THADA: variants seen among roughly 807,000 people sequenced by gnomAD.
THADA encodes THADA armadillo repeat containing, also known as tRNA (32-2'-O)-methyltransferase regulator THADA.
A neutral mutation model predicts 219.8 loss-of-function variants in THADA; 213 were observed. That is an observed-to-expected ratio of 0.97 (90% CI 0.87 to 1.09). THADA has a LOEUF of 1.09. Ranked by LOEUF, THADA falls within the 50% of genes least tolerant of loss-of-function variation. The pLI is 0.00. For missense variants in THADA, 2,956 were observed against 2,311.3 expected, an observed-to-expected ratio of 1.28 and a Z score of -5.72; for synonymous variants, 1,018 against 828.9, an observed-to-expected ratio of 1.23 and a Z score of -3.92.
intron 26 of THADA, among the ~76,000 whole-genome samples, chr2:43,484,705 T>G (rs2105010790): frequency 6.6e-6 from 1 of 152,026 alleles, no homozygotes; most frequent in African/African-American, 2.4e-5. Flanking sequence ...AAATTAGAGG[T>G]TAAACATAAA....
intron 22 of THADA, among the ~76,000 whole-genome samples, chr2:43,510,927 C>T (rs1472264905): frequency 2.6e-5 from 4 of 151,232 alleles, no homozygotes; most frequent in East Asian, 3.9e-4. Context: ...GCCAAGATGG[C>T]GCCACTGCAC....
intron 22 of THADA, among the ~76,000 whole-genome samples, chr2:43,514,595 AT>A (rs1558887387): frequency 0.018 from 1,755 of 96,496 alleles, 16 homozygotes; most frequent in African/African-American, 0.03. Context: ...TTATATATGT[AT>A]ATTTTATATA....
rs1558527804 is a variant in THADA at position 43,291,473 on chromosome 2, A to AAAAAAAAAAAAAAAAAAAAAAAAC, written c.5010+222_5010+223insGTTTTTTTTTTTTTTTTTTTTTTT. On this transcript the variant is annotated intron_variant, in intron 34 of 37. Coordinates refer to ENST00000405975, the MANE Select transcript of THADA (RefSeq NM_022065.5). ...CCATCTCAAAAAAAAAAAAAAAAAA[A>AAAAAAAAAAAAAAAAAAAAAAAAC]AAAAAAAAATCCTAAAACAAGAGAA... 6.8e-5 allele frequency among the ~76,000 whole-genome samples: 10 copies of AAAAAAAAAAAAAAAAAAAAAAAAC among 146,854 alleles called. 1 individual carries two copies. The highest frequency in any genetic ancestry group is 2.5e-4 in the African/African-American group (10 of 39,598).
At chr2:43,405,334 C>A (rs986224762) in intron 28 of THADA, among the ~76,000 whole-genome samples, 1 of 152,216 alleles carries the variant, frequency 6.6e-6, no homozygotes, top group African/African-American at 2.4e-5. Flanking sequence ...CACACACACA[C>A]ACCAAGTTTG....
intron 19 of THADA, among the ~76,000 whole-genome samples, chr2:43,551,459 T>C (rs1696729018): frequency 6.6e-6 from 1 of 152,162 alleles, no homozygotes; most frequent in East Asian, 1.9e-4. Context: ...CCATTGGTGT[T>C]CAAAAAGTTT....
chr2:43,284,374 T>C (rs571206184), intron 35 of THADA, among the ~76,000 whole-genome samples: 1 of 152,150 alleles, frequency 6.6e-6, no homozygotes, highest in Non-Finnish European at 1.5e-5. Context: ...TCCCAGCTGC[T>C]CTAGCTCCAG....
At chr2:43,238,617 AAGAG>A (rs1009500754) in intron 36 of THADA, among the ~76,000 whole-genome samples, 7 of 152,188 alleles carry the variant, frequency 4.6e-5, no homozygotes, top group East Asian at 1.9e-4. Context: ...GAGTGTATCT[AAGAG>A]AGAGAAAAAA....
chr2:43,360,995 C>G (rs1206395941), intron 29 of THADA, among the ~76,000 whole-genome samples: 1 of 148,660 alleles, frequency 6.7e-6, no homozygotes, highest in Non-Finnish European at 1.5e-5. Flanking sequence ...GTTGTCACAA[C>G]TGAAAGGGGG....
intron 29 of THADA, among the ~76,000 whole-genome samples, chr2:43,394,875 C>G (rs1206270853): frequency 6.6e-6 from 1 of 152,210 alleles, no homozygotes; most frequent in African/African-American, 2.4e-5. Context: ...TTTTATTCAA[C>G]AAGCCCTTCA....
chr2:43,265,819 G>A (rs1671448179), intron 36 of THADA, among the ~76,000 whole-genome samples: 1 of 152,092 alleles, frequency 6.6e-6, no homozygotes, highest in Admixed American at 6.6e-5. Flanking sequence ...CTCCACAGCA[G>A]AAACCAATTT....
At chr2:43,292,302 T>G (rs2104368560) in intron 32 of THADA, 80 bp from the exon 33 acceptor site, 2 of 915,156 alleles carry the variant, frequency 2.2e-6, no homozygotes, top group Non-Finnish European at 3.2e-6. Context: ...GATAATCAAT[T>G]GTATCAACAA....
At chr2:43,446,838 A>G (rs1681631686) in intron 26 of THADA, among the ~76,000 whole-genome samples, 1 of 152,212 alleles carries the variant, frequency 6.6e-6, no homozygotes, top group African/African-American at 2.4e-5. Flanking sequence ...ATAGTTCTAG[A>G]AGTCAGAAGT....
At chr2:43,533,451 G>A (rs1694151625) in intron 21 of THADA, among the ~76,000 whole-genome samples, 1 of 152,126 alleles carries the variant, frequency 6.6e-6, no homozygotes, top group South Asian at 2.1e-4. Context: ...TATGTTTACT[G>A]CAGCACCATT....
intron 26 of THADA, among the ~76,000 whole-genome samples, chr2:43,441,861 A>C (rs1367545904): frequency 6.6e-6 from 1 of 152,176 alleles, no homozygotes; most frequent in Non-Finnish European, 1.5e-5. Flanking sequence ...CAAAACTGTA[A>C]TGTGATCGTA....
chr2:43,336,425 C>T (rs1212337563), intron 30 of THADA, among the ~76,000 whole-genome samples: 3 of 152,014 alleles, frequency 2.0e-5, no homozygotes, highest in Admixed American at 6.6e-5. Flanking sequence ...GTGCATGCCA[C>T]CATGCCTGGC....
At chr2:43,445,199 C>T (rs1002594739) in intron 26 of THADA, among the ~76,000 whole-genome samples, 4 of 152,264 alleles carry the variant, frequency 2.6e-5, no homozygotes, top group Non-Finnish European at 2.9e-5. Flanking sequence ...CCCCATCCCC[C>T]GCAAAGGAAA....
intron 30 of THADA, among the ~76,000 whole-genome samples, chr2:43,326,550 C>T (rs1459820958): frequency 6.6e-6 from 1 of 152,106 alleles, no homozygotes; most frequent in Admixed American, 6.5e-5. Flanking sequence ...CTCCTATCTA[C>T]AAGATATAAT....
chr2:43,439,918 T>C (rs1680627274), intron 26 of THADA, among the ~76,000 whole-genome samples: 1 of 152,166 alleles, frequency 6.6e-6, no homozygotes. Context: ...AAATCGAAAG[T>C]CTTTTAAAAA....
rs559732993 is a variant in THADA at position 43,260,650 on chromosome 2, G to A, written c.5296+19115C>T. On this transcript the variant is annotated intron_variant, in intron 36 of 37. Transcript: ENST00000405975. Reference sequence around the variant, plus strand: ...ATTTTTGTGTTGTCATTGGCATAACGTATTTAGAAGACTGTGCTTAAATAT... The same window carrying A: ...ATTTTTGTGTTGTCATTGGCATAACATATTTAGAAGACTGTGCTTAAATAT... 2.6e-5 allele frequency among the ~76,000 whole-genome samples: 4 copies of A among 152,252 alleles called. No homozygotes were observed. In the South Asian group the frequency reaches 6.2e-4, roughly 24 times the overall value.
Sources: gnomAD v4.1 joint callset for allele counts (sites outside exome capture counted in the v4.1 genomes callset) on GRCh38, gnomAD v4.1.1 for gene constraint, MANE v1.5 for transcripts, NCBI Gene and HGNC (gene_info 2026-07-23, HGNC 2026-07-21) for gene names.